The following SLC25A27 variants were observed in gnomAD, a reference collection of about 807,000 sequenced individuals.
SLC25A27 encodes the protein mitochondrial uncoupling protein 4.
A neutral mutation model predicts 49.1 loss-of-function variants in SLC25A27; 35 were observed. The observed-to-expected ratio is 0.71, with a 90% CI of 0.54 to 0.95. SLC25A27 has a LOEUF of 0.95. SLC25A27 is among the 40% of genes least tolerant of loss of function. The pLI, the probability that SLC25A27 is intolerant of heterozygous loss-of-function variation, is 0.00. For missense variants in SLC25A27, 339 were observed against 397.1 expected (o/e 0.85, Z 1.24); for synonymous variants, 144 against 136.9 (o/e 1.05, Z -0.36).
chr6:46,665,583 G>A (rs1763297577), intron 5 of SLC25A27, among the ~76,000 whole-genome samples: 1 of 152,168 alleles, frequency 6.6e-6, no homozygotes, highest in South Asian at 2.1e-4. Context: ...CTACTCGGGA[G>A]GCTGAGGCAG....
At position 46,666,207 on chromosome 6, in the gene SLC25A27, T is replaced by C. The variant is rs190963319; in HGVS notation, c.619+1321T>C. Among the ~76,000 whole-genome samples the C allele has an allele frequency of 3.4e-3, 523 of 152,322 alleles. 2 individuals are homozygous for C. Among genetic ancestry groups the C allele is most frequent in the African/African-American group, 0.012 (497 of 41,576 alleles). ...GAACCTGCCACAATCCCTTCCCCCATGCCATGTTGTATTATATGCCCTTTT... is the reference window on the plus strand; with the variant it reads ...GAACCTGCCACAATCCCTTCCCCCACGCCATGTTGTATTATATGCCCTTTT... On this transcript the variant is annotated intron_variant, in intron 5 of 8. Coordinates refer to ENST00000371347, the MANE Select transcript of SLC25A27 (RefSeq NM_004277.5).
chr6:46,658,389 C>T (rs1388947333), intron 2 of SLC25A27: 1 of 254,024 alleles, frequency 3.9e-6, no homozygotes, highest in East Asian at 1.3e-4. Context: ...AGTTTCTTTT[C>T]ATTTGTAGTT....
chr6:46,654,689 G>A (rs1331287103), intron 1 of SLC25A27, among the ~76,000 whole-genome samples: 1 of 152,122 alleles, frequency 6.6e-6, no homozygotes, highest in Non-Finnish European at 1.5e-5. Flanking sequence ...GACATAATCT[G>A]TGTAATATGG....
chr6:46,664,396 G>T (rs189932760), intron 4 of SLC25A27, among the ~76,000 whole-genome samples: 5 of 152,046 alleles, frequency 3.3e-5, no homozygotes, highest in Non-Finnish European at 1.5e-5. Flanking sequence ...AAAATTTGCA[G>T]GTCCCTTCCA....
chr6:46,657,030 G>A (rs2150632966), intron 2 of SLC25A27, among the ~76,000 whole-genome samples: 1 of 152,262 alleles, frequency 6.6e-6, no homozygotes, highest in South Asian at 2.1e-4. Context: ...GCCAGGCCTG[G>A]TGGCACATGA....
Position 46,668,803 on chromosome 6 carries a change from GT to G in SLC25A27, c.704+14del. 1.4e-6 allele frequency: 2 copies of G among 1,458,274 alleles called. No individual in the cohort carries two copies. Among genetic ancestry groups the G allele is most frequent in the Non-Finnish European group, 1.9e-6 (2 of 1,051,184 alleles). 90.3% of individuals were successfully genotyped at this position (1,458,274 alleles called of 1,614,324 possible). A position where few individuals can be genotyped will look rare whatever the true frequency, so the allele number is the denominator to read the frequency against. On this transcript the variant is annotated intron_variant, in intron 6 of 8. Coordinates refer to ENST00000371347, the MANE Select transcript of SLC25A27 (RefSeq NM_004277.5). Reference sequence around the variant, plus strand: ...CTCACGGTTTATCAAGGTAAGGATTGTTTTAGTTGGACTCTGTTTTTTTTTT... The same window carrying G: ...CTCACGGTTTATCAAGGTAAGGATTGTTTAGTTGGACTCTGTTTTTTTTTT...
At chr6:46,669,596 G>A (rs1763448061) in intron 6 of SLC25A27, among the ~76,000 whole-genome samples, 1 of 152,158 alleles carries the variant, frequency 6.6e-6, no homozygotes, top group Non-Finnish European at 1.5e-5. Flanking sequence ...GCACGCGCAT[G>A]CACACACGCA....
In SLC25A27 at chr6:46,653,002, GCAGCTGGACCACTC is replaced by G; in HGVS notation, c.-183_-170del. The G allele has an allele frequency of 1.7e-6, 1 of 603,174 alleles. No homozygotes were observed. Among genetic ancestry groups the G allele is most frequent in the Non-Finnish European group, 2.9e-6 (1 of 341,166 alleles). The allele number at this position is 603,174 out of a possible 1,614,324, so 37.4% of individuals were successfully genotyped here. ...GTTTTTCTATTCTGGGGTGTAAGGG[GCAGCTGGACCACTC>G]CAGCTGGGACTGCTAGGAAGGTTGC... On this transcript the variant is annotated 5_prime_UTR_variant, in exon 1 of 9. Transcript: ENST00000371347.
At chr6:46,669,047 TATG>T (rs772062572) in intron 6 of SLC25A27, among the ~76,000 whole-genome samples, 50 of 152,314 alleles carry the variant, frequency 3.3e-4, no homozygotes, top group Non-Finnish European at 6.6e-4. Flanking sequence ...AGGAACAGGC[TATG>T]ATGATGGACT....
chr6:46,674,653 G>A (rs1763693930), intron 8 of SLC25A27, among the ~76,000 whole-genome samples: 1 of 152,126 alleles, frequency 6.6e-6, no homozygotes, highest in Non-Finnish European at 1.5e-5. Context: ...TGATCTCATT[G>A]ACACTGATGA....
chr6:46,662,288 C>T, intron 3 of SLC25A27, 88 bp from the exon 4 acceptor site: 1 of 1,159,648 alleles, frequency 8.6e-7, no homozygotes, highest in Non-Finnish European at 1.3e-6. Flanking sequence ...AAATCTCTTA[C>T]CTAGGCCCTG....
In SLC25A27 at chr6:46,677,455, CAGAG is replaced by C. The variant is rs1431702788; in HGVS notation, c.*1006_*1009del. 2 of 152,158 alleles carry C rather than the reference CAGAG, an allele frequency of 1.3e-5. No homozygotes were observed. Among genetic ancestry groups the C allele is most frequent in the African/African-American group, 2.4e-5 (1 of 41,426 alleles). The allele number at this position is 152,158 out of a possible 1,614,324, so 9.4% of individuals were successfully genotyped here. Reference sequence around the variant, plus strand: ...CCTGACACTAGGGGCTCTAGAGAGGCAGAGAGAGCACTCACAAATCACACTAAAA... The same window carrying C: ...CCTGACACTAGGGGCTCTAGAGAGGCAGAGCACTCACAAATCACACTAAAA... On this transcript the variant is annotated 3_prime_UTR_variant, in exon 9 of 9. Transcript: ENST00000371347.
intron 1 of SLC25A27, 136 bp downstream of exon 1, chr6:46,653,434 G>A (rs1762839082): frequency 1.4e-6 from 2 of 1,432,762 alleles, no homozygotes; most frequent in Admixed American, 3.0e-5. Context: ...CAGAGGTGGC[G>A]GTGGAGGCCA....
At chr6:46,656,766 T>G (rs892092760) in intron 2 of SLC25A27, among the ~76,000 whole-genome samples, 14 of 152,296 alleles carry the variant, frequency 9.2e-5, no homozygotes, top group Admixed American at 3.3e-4. Flanking sequence ...TACTGATTAT[T>G]ATTAAGAAGT....
At chr6:46,666,549 A>AT (rs1196854862) in intron 5 of SLC25A27, among the ~76,000 whole-genome samples, 1 of 152,082 alleles carries the variant, frequency 6.6e-6, no homozygotes, top group Non-Finnish European at 1.5e-5. Flanking sequence ...TCTACTGTAT[A>AT]TTTGTGGATA....
intron 1 of SLC25A27, chr6:46,653,989 T>G (rs998584255): frequency 1.5e-6 from 1 of 679,780 alleles, no homozygotes; most frequent in African/African-American, 2.0e-5. Flanking sequence ...AATGTGCTAC[T>G]TGTTATAATG....
chr6:46,661,842 A>G (rs1344416985), intron 3 of SLC25A27, among the ~76,000 whole-genome samples: 3 of 152,218 alleles, frequency 2.0e-5, no homozygotes, highest in Non-Finnish European at 4.4e-5. Flanking sequence ...ATCTCTGGCA[A>G]GGGATATAAT....
chr6:46,665,934 T>G (rs902140403), intron 5 of SLC25A27, among the ~76,000 whole-genome samples: 9 of 152,136 alleles, frequency 5.9e-5, no homozygotes, highest in African/African-American at 9.7e-5. Flanking sequence ...CAAAATAAAG[T>G]GGAAATTTTG....
chr6:46,662,998 A>G (rs558990256), intron 4 of SLC25A27, among the ~76,000 whole-genome samples: 3 of 152,206 alleles, frequency 2.0e-5, no homozygotes, highest in African/African-American at 7.2e-5. Context: ...AACGTTGCAT[A>G]TTGTCCCAAC....
Sources: gnomAD v4.1 joint callset for allele counts (sites outside exome capture counted in the v4.1 genomes callset) on GRCh38, gnomAD v4.1.1 for gene constraint, MANE v1.5 for transcripts, NCBI Gene and HGNC (gene_info 2026-07-23, HGNC 2026-07-21) for gene names.